Variants in PDGFA observed in about 807,000 individuals in gnomAD.
PDGFA encodes platelet derived growth factor subunit A, also known as platelet-derived growth factor subunit A.
In PDGFA, 9 loss-of-function variants were observed where a neutral mutation model predicts 25.6. That is an observed-to-expected ratio of 0.35 (90% CI 0.21 to 0.61). The LOEUF is 0.61. PDGFA is among the 20% of genes least tolerant of loss of function. PDGFA has a pLI of 0.75. For synonymous variants in PDGFA, 133 were observed against 111.8 expected, an observed-to-expected ratio of 1.19 and a Z score of -1.20; for missense variants, 242 against 272.8, an observed-to-expected ratio of 0.89 and a Z score of 0.79.
intron 4 of PDGFA, among the ~76,000 whole-genome samples, chr7:510,585 G>A (rs1373177161): frequency 2.4e-5 from 2 of 82,132 alleles, no homozygotes; most frequent in East Asian, 4.1e-4. Flanking sequence ...CCTTGGGCTC[G>A]GGTGGGGAGG....
Position 500,892 on chromosome 7 carries a change from G to C in PDGFA, c.580+224C>G. The C allele has an allele frequency of 6.3e-7, 1 of 1,577,168 alleles. No homozygotes were observed. Among genetic ancestry groups the C allele is most frequent in the South Asian group, 1.1e-5 (1 of 88,462 alleles). ...CAGTGAGACCTGAATCTCCTCTCCT[G>C]CCAGTGCCGCAGCTTGGGCCACCCT... On this transcript the variant is annotated intron_variant, in intron 5 of 5. Transcript: ENST00000402802. The surrounding 1 kb of genome is among the most constrained non-coding windows in gnomAD (Gnocchi z 5.0).
In PDGFA at chr7:500,543, C is replaced by A. The variant is rs763669703; in HGVS notation, c.580+573G>T. The A allele has an allele frequency of 1.1e-5, 17 of 1,613,332 alleles. No homozygotes were observed. The highest frequency in any genetic ancestry group is 1.4e-5 in the Non-Finnish European group (17 of 1,179,936). Reference sequence around the variant, plus strand: ...GGCGGTGAGTGGGCCGAGGGACGGCCGTCGGGGTGAAGAACTGAAGCAACA... The same window carrying A: ...GGCGGTGAGTGGGCCGAGGGACGGCAGTCGGGGTGAAGAACTGAAGCAACA... On this transcript the variant is annotated intron_variant, in intron 5 of 5. Coordinates refer to ENST00000402802, the Ensembl canonical transcript of PDGFA. This position sits in a 1 kb window ranked among gnomAD's most constrained non-coding sequence, Gnocchi z 5.0.
At chr7:501,133 T>C in exon 5 of PDGFA, 1 of 1,614,214 alleles carries the variant, frequency 6.2e-7, no homozygotes, top group South Asian at 1.1e-5. Context: ...CTCTTCCCGA[T>C]AATCCGGATT....
rs780713501 is a variant in PDGFA, at chr7:500,857, C to T, written c.580+259G>A. On this transcript the variant is annotated intron_variant, in intron 5 of 5. Transcript: ENST00000402802. This position sits in a 1 kb window ranked among gnomAD's most constrained non-coding sequence, Gnocchi z 5.0. ...ATGAATTGGGTGTCTTATGCACTCCCAGCCCCTCTCAGTGAGACCTGAATC... is the reference window on the plus strand; with the variant it reads ...ATGAATTGGGTGTCTTATGCACTCCTAGCCCCTCTCAGTGAGACCTGAATC... 43 of 1,535,776 alleles carry T rather than the reference C, an allele frequency of 2.8e-5. No homozygotes were observed. Among genetic ancestry groups the T allele is most frequent in the East Asian group, 4.8e-5 (2 of 41,264 alleles).
chr7:514,289 G>A (rs936450897), intron 2 of PDGFA, among the ~76,000 whole-genome samples: 5 of 152,138 alleles, frequency 3.3e-5, no homozygotes, highest in African/African-American at 9.7e-5. Flanking sequence ...CACAGTCCCC[G>A]TGCCCCGCCA....
chr7:500,364 C>T lies in PDGFA; in HGVS notation c.580+752G>A. On this transcript the variant is annotated intron_variant, in intron 5 of 5. Transcript: ENST00000402802. This position sits in a 1 kb window ranked among gnomAD's most constrained non-coding sequence, Gnocchi z 5.0. ...CCGGCGAGACAGGAAGCGTGATTTG[C>T]TGGTGTGATCAGTCAGTTGCACCTC... 6.5e-7 allele frequency: 1 copy of T among 1,536,374 alleles called. No individual in the cohort carries two copies. The highest frequency in any genetic ancestry group is 9.0e-7 in the Non-Finnish European group (1 of 1,110,228).
intron 2 of PDGFA, among the ~76,000 whole-genome samples, chr7:516,882 C>G (rs1392821490): frequency 6.6e-6 from 1 of 152,198 alleles, no homozygotes; most frequent in Admixed American, 6.5e-5. Context: ...GCCACAGAGG[C>G]CCAGCCCTGC....
Position 519,092 on chromosome 7 carries a change from A to C in PDGFA, c.-91T>G. 2 of 980,556 alleles carry C rather than the reference A, an allele frequency of 2.0e-6. No individual in the cohort carries two copies. The highest frequency in any genetic ancestry group is 3.0e-6 in the Non-Finnish European group (2 of 671,782). The allele number at this position is 980,556 out of a possible 1,614,324, so 60.7% of individuals were successfully genotyped here. On this transcript the variant is annotated 5_prime_UTR_variant, in exon 1 of 6. The change abolishes an upstream ATG in the 5' untranslated region. Transcript: ENST00000402802. ...TCCTGTGGCGGCGAAATTCAGTACC[A>C]TCCCTTAGGGAGCGCGGCCCGGAGG...
chr7:519,725 C>T (rs983832066), upstream of PDGFA, among the ~76,000 whole-genome samples: 5 of 146,068 alleles, frequency 3.4e-5, no homozygotes, highest in Non-Finnish European at 6.1e-5. Context: ...CCCGCGCGGG[C>T]CTGAGGGCGG....
At chr7:498,696 G>T in intron 5 of PDGFA, 122 bp from the exon 6 acceptor site, 1 of 917,182 alleles carries the variant, frequency 1.1e-6, no homozygotes, top group Non-Finnish European at 1.7e-6. Context: ...GGCACACAGG[G>T]ATTTCAAGTT....
At chr7:516,220 C>T (rs1783093593) in intron 2 of PDGFA, among the ~76,000 whole-genome samples, 2 of 150,844 alleles carry the variant, frequency 1.3e-5, no homozygotes, top group South Asian at 4.3e-4. Flanking sequence ...CACCCTCCGC[C>T]CCCGATAAGG....
At chr7:497,959 C>CAAAAAAA (rs1166606050) in exon 6 of PDGFA, 2 of 56,684 alleles carry the variant, frequency 3.5e-5, no homozygotes, top group Non-Finnish European at 6.0e-5. Flanking sequence ...AAAAAAAAAA[C>CAAAAAAA]AAAAAAAAAA....
intron 2 of PDGFA, chr7:512,672 C>T (rs954551144): frequency 2.9e-5 from 43 of 1,488,706 alleles, no homozygotes; most frequent in African/African-American, 1.1e-4. Flanking sequence ...CACTGGAAAC[C>T]GCAGAAAACG....
chr7:506,971 G>A (rs766142034), intron 4 of PDGFA, among the ~76,000 whole-genome samples: 10 of 152,122 alleles, frequency 6.6e-5, no homozygotes, highest in East Asian at 3.9e-4. Context: ...GGCCCCTCCC[G>A]GCCAGCCCCA....
chr7:518,836 G>T, intron 1 of PDGFA, 103 bp downstream of exon 1: 1 of 668,340 alleles, frequency 1.5e-6, no homozygotes, highest in Non-Finnish European at 2.4e-6. Flanking sequence ...GACCACCCTG[G>T]CAGGAACCAA....
upstream of PDGFA, chr7:520,117 C>T (rs760124224): frequency 2.6e-6 from 1 of 383,630 alleles, no homozygotes; most frequent in South Asian, 1.8e-5. Context: ...CTTGCCCACC[C>T]TCCAGTGCCA....
At chr7:504,447 C>A (rs948837069) in intron 4 of PDGFA, among the ~76,000 whole-genome samples, 2 of 152,126 alleles carry the variant, frequency 1.3e-5, no homozygotes, top group South Asian at 4.1e-4. Context: ...GATCCCAGTG[C>A]GCAAAACCAG....
chr7:519,140 G>A, exon 1 of PDGFA: 2 of 570,608 alleles, frequency 3.5e-6, no homozygotes, highest in African/African-American at 2.0e-5. Flanking sequence ...GGAGCACGGA[G>A]CTGGCGGAGC....
intron 2 of PDGFA, among the ~76,000 whole-genome samples, chr7:515,312 G>A (rs13237794): frequency 0.41 from 62,536 of 151,998 alleles, 13,434 homozygotes; most frequent in Middle Eastern, 0.64. Flanking sequence ...TGAAAAGGGA[G>A]TCCAGGACCC....
Sources: allele counts gnomAD v4.1 joint callset (sites outside exome capture counted in the v4.1 genomes callset), GRCh38; gene constraint gnomAD v4.1.1; non-coding constraint Gnocchi (gnomAD v3.1); transcripts MANE v1.5; gene names NCBI Gene and HGNC (gene_info 2026-07-23, HGNC 2026-07-21).